The following BBS2 variants were observed in gnomAD, a reference collection of about 807,000 sequenced individuals.
The protein encoded by BBS2 is BBSome complex member BBS2.
A neutral mutation model predicts 83.0 loss-of-function variants in BBS2; 62 were observed. The observed-to-expected ratio is 0.75, with a 90% CI of 0.61 to 0.92. The LOEUF (loss-of-function observed/expected upper bound fraction) is 0.92, where lower values mean the gene tolerates loss of function less well. BBS2 is among the 40% of genes least tolerant of loss of function. BBS2 has a pLI of 0.00. For missense variants in BBS2, 784 were observed against 901.0 expected (o/e 0.87, Z 1.66); for synonymous variants, 303 against 326.1 (o/e 0.93, Z 0.76).
intron 2 of BBS2, 30 bp downstream of exon 2, chr16:56,514,423 C>A: frequency 6.3e-7 from 1 of 1,591,950 alleles, no homozygotes; most frequent in South Asian, 1.1e-5. Context: ...TGAGTAATGA[C>A]AATTTTATGG....
At chr16:56,512,259 T>C (rs1323954461) in intron 2 of BBS2, among the ~76,000 whole-genome samples, 1 of 152,218 alleles carries the variant, frequency 6.6e-6, no homozygotes, top group Non-Finnish European at 1.5e-5. Flanking sequence ...TATAAAGTGA[T>C]ACAACCACTT....
intron 7 of BBS2, among the ~76,000 whole-genome samples, chr16:56,503,854 G>A (rs534629939): frequency 2.0e-4 from 31 of 152,060 alleles, no homozygotes; most frequent in African/African-American, 7.5e-4. Context: ...GGGAGGCGGA[G>A]GTTGCAGTGA....
chr16:56,474,951 G>T (rs1431710673), intron 17 of BBS2: 3 of 1,613,514 alleles, frequency 1.9e-6, no homozygotes, highest in Non-Finnish European at 2.5e-6. Context: ...GGCTGTGAAG[G>T]TAAGAGGGAG....
chr16:56,519,404 C>G (rs181249002), intron 1 of BBS2: 38 of 230,384 alleles, frequency 1.6e-4, no homozygotes, highest in African/African-American at 7.3e-4. Context: ...AAGTGACAAG[C>G]AGAGGCCCCT....
chr16:56,506,626 CA>C (rs1224162474), intron 5 of BBS2, among the ~76,000 whole-genome samples: 1 of 152,178 alleles, frequency 6.6e-6, no homozygotes, highest in Non-Finnish European at 1.5e-5. Flanking sequence ...TAACATCCTA[CA>C]GTCTCAATTT....
At chr16:56,475,586 A>ACCT in intron 17 of BBS2, 1 of 1,606,784 alleles carries the variant, frequency 6.2e-7, no homozygotes, top group South Asian at 1.1e-5. Flanking sequence ...TCTGATAGCA[A>ACCT]ACTATCATTT....
intron 11 of BBS2, chr16:56,500,368 G>A (rs1022785399): frequency 7.9e-6 from 2 of 252,398 alleles, no homozygotes; most frequent in Non-Finnish European, 1.5e-5. Context: ...GCTCATGCCT[G>A]TAATCCCAGC....
At position 56,497,836 on chromosome 16, in the gene BBS2, G is replaced by T; in HGVS notation, c.1704C>A (p.Ile568=). ...TDDIDLAGDI[I]QSMASFFAIE... Reference sequence around the variant, plus strand: ...TAGCAAAAAATGATGCCATTGACTGGATGATATCACCAGCCAAATCAATAT... The same window carrying T: ...TAGCAAAAAATGATGCCATTGACTGTATGATATCACCAGCCAAATCAATAT... The change falls in exon 14 of 17, where the codon ATC becomes ATA. Residue 568 remains isoleucine (I), a synonymous_variant. Transcript: ENST00000245157. 1 of 1,612,448 alleles carries T rather than the reference G, an allele frequency of 6.2e-7. No homozygotes were observed.
downstream of BBS2, among the ~76,000 whole-genome samples, chr16:56,481,888 A>G (rs576203249): frequency 1.5e-4 from 23 of 152,288 alleles, no homozygotes; most frequent in South Asian, 4.8e-3. Flanking sequence ...CCTCCTTCAC[A>G]CCAGGGCTTA....
At chr16:56,504,425 T>C (rs1350369417) in intron 7 of BBS2, among the ~76,000 whole-genome samples, 1 of 152,146 alleles carries the variant, frequency 6.6e-6, no homozygotes, top group Non-Finnish European at 1.5e-5. Flanking sequence ...AACTGGGAGG[T>C]TTTACCCTGA....
At chr16:56,470,772 G>A (rs748402653) in intron 17 of BBS2, 15 of 1,596,006 alleles carry the variant, frequency 9.4e-6, no homozygotes, top group Non-Finnish European at 1.3e-5. Context: ...CAGAGCCAGA[G>A]GAAAATGAAA....
chr16:56,500,780 C>T, intron 11 of BBS2, 74 bp downstream of exon 11: 1 of 1,499,624 alleles, frequency 6.7e-7, no homozygotes. Flanking sequence ...ATCCACTGGG[C>T]ATATGGAAAA....
intron 15 of BBS2, among the ~76,000 whole-genome samples, chr16:56,495,278 G>T (rs1258230872): frequency 1.3e-5 from 2 of 152,124 alleles, no homozygotes; most frequent in Non-Finnish European, 2.9e-5. Flanking sequence ...AAGAAATAAT[G>T]AATCTAGGCA....
chr16:56,496,866 C>T, intron 15 of BBS2, 101 bp downstream of exon 15: 2 of 915,870 alleles, frequency 2.2e-6, no homozygotes, highest in Non-Finnish European at 3.7e-6. Flanking sequence ...TCCAAAGTCA[C>T]TGTAACAATT....
intron 5 of BBS2, among the ~76,000 whole-genome samples, chr16:56,507,724 T>C (rs1170202014): frequency 2.6e-5 from 4 of 151,990 alleles, no homozygotes; most frequent in African/African-American, 9.7e-5. Flanking sequence ...TCCCAACACT[T>C]TGGGAGGCTG....
intron 11 of BBS2, 108 bp from the exon 12 acceptor site, chr16:56,500,015 G>A: frequency 7.2e-7 from 1 of 1,388,316 alleles, no homozygotes; most frequent in Non-Finnish European, 1.0e-6. Flanking sequence ...TGATATTTAA[G>A]GGTTTCACTT....
chr16:56,499,690 A>C, intron 12 of BBS2, 88 bp downstream of exon 12: 1 of 1,556,766 alleles, frequency 6.4e-7, no homozygotes, highest in Non-Finnish European at 8.8e-7. Flanking sequence ...CCAATATAAC[A>C]CATTAATGTA....
intron 3 of BBS2, 35 bp from the exon 4 acceptor site, chr16:56,510,956 CG>C: frequency 6.2e-7 from 1 of 1,609,026 alleles, no homozygotes; most frequent in African/African-American, 1.3e-5. Flanking sequence ...AGCATGCCAT[CG>C]TTTCTCCATT....
At chr16:56,493,966 C>T (rs930268553) in intron 15 of BBS2, among the ~76,000 whole-genome samples, 2 of 151,672 alleles carry the variant, frequency 1.3e-5, no homozygotes, top group Admixed American at 6.6e-5. Context: ...ATGATATTCC[C>T]CCACTTTTTT....
Sources: allele counts gnomAD v4.1 joint callset (sites outside exome capture counted in the v4.1 genomes callset), GRCh38; gene constraint gnomAD v4.1.1; transcripts MANE v1.5; gene names NCBI Gene and HGNC (gene_info 2026-07-23, HGNC 2026-07-21).